Variants in OSBPL10 observed in about 807,000 individuals in gnomAD.
OSBPL10 encodes the protein oxysterol binding protein like 10.
OSBPL10 carries 49 observed loss-of-function variants against 81.7 expected under a neutral mutation model. The ratio of observed to expected loss-of-function variants is 0.60; its 90% CI spans 0.48 to 0.76. The LOEUF (loss-of-function observed/expected upper bound fraction) is 0.76. Among genes scored for constraint, OSBPL10 ranks in the 30% least tolerant of loss-of-function variants. The pLI is 0.00. For synonymous variants in OSBPL10, 419 were observed against 383.6 expected, an observed-to-expected ratio of 1.09 and a Z score of -1.08; for missense variants, 923 against 987.8, an observed-to-expected ratio of 0.93 and a Z score of 0.88.
intron 4 of OSBPL10, among the ~76,000 whole-genome samples, chr3:31,827,047 A>T (rs979583725): frequency 4.6e-5 from 7 of 152,186 alleles, no homozygotes; most frequent in African/African-American, 1.7e-4. Flanking sequence ...TACAAAAGCC[A>T]AACCAAATGG....
chr3:31,984,786 T>C (rs976321347), upstream of OSBPL10, among the ~76,000 whole-genome samples: 7 of 152,218 alleles, frequency 4.6e-5, no homozygotes, highest in African/African-American at 1.7e-4. Context: ...CAATCCTTGC[T>C]TTAGGGTTAG....
chr3:31,891,425 G>A (rs1695888235), intron 1 of OSBPL10, among the ~76,000 whole-genome samples: 1 of 152,206 alleles, frequency 6.6e-6, no homozygotes, highest in Admixed American at 6.5e-5. Context: ...CCTCGGGCAA[G>A]TTCTTTATCC....
At chr3:31,717,174 T>G (rs1331061186) in intron 6 of OSBPL10, 1 of 152,134 alleles carries the variant, frequency 6.6e-6, no homozygotes, top group Non-Finnish European at 1.5e-5. Flanking sequence ...GAAGGTACAT[T>G]TATTGAGGAC....
intron 1 of OSBPL10, among the ~76,000 whole-genome samples, chr3:31,906,470 TC>T (rs1231156187): frequency 2.0e-5 from 3 of 152,132 alleles, no homozygotes; most frequent in South Asian, 4.2e-4. Flanking sequence ...TAGAAATGTA[TC>T]CTTTCATTAT....
intron 2 of OSBPL10, among the ~76,000 whole-genome samples, chr3:32,046,283 A>C (rs1331300051): frequency 6.6e-6 from 1 of 152,190 alleles, no homozygotes; most frequent in Non-Finnish European, 1.5e-5. Flanking sequence ...CTTACTTTTA[A>C]AAATTGACGC....
chr3:32,021,050 C>A (rs1699359415), intron 2 of OSBPL10, among the ~76,000 whole-genome samples: 1 of 152,122 alleles, frequency 6.6e-6, no homozygotes, highest in Non-Finnish European at 1.5e-5. Context: ...CCTGATATTG[C>A]TTCCTCTTCT....
chr3:31,937,508 C>G (rs1182526695), intron 1 of OSBPL10, among the ~76,000 whole-genome samples: 1 of 152,116 alleles, frequency 6.6e-6, no homozygotes, highest in East Asian at 1.9e-4. Flanking sequence ...ACTGGCTCCT[C>G]CTAGCCAGCA....
chr3:31,928,762 CAAAAAA>C (rs58345341), intron 1 of OSBPL10, among the ~76,000 whole-genome samples: 1 of 95,060 alleles, frequency 1.1e-5, no homozygotes, highest in Non-Finnish European at 2.5e-5. Context: ...GACTTGTCTC[CAAAAAA>C]AAAAAAAAAA....
chr3:31,864,659 G>A (rs1469558833), intron 3 of OSBPL10, among the ~76,000 whole-genome samples: 1 of 152,070 alleles, frequency 6.6e-6, no homozygotes, highest in Admixed American at 6.6e-5. Flanking sequence ...AGGTGTGCAG[G>A]GTGCTTGGGG....
chr3:32,058,547 G>A (rs113623026), intron 1 of OSBPL10, among the ~76,000 whole-genome samples: 331 of 152,190 alleles, frequency 2.2e-3, no homozygotes, highest in African/African-American at 7.2e-3. Flanking sequence ...GGCTTGTCTC[G>A]AACTCCTGAC....
chr3:31,795,913 G>A (rs150080113), intron 4 of OSBPL10: 86 of 236,820 alleles, frequency 3.6e-4, no homozygotes, highest in African/African-American at 2.0e-3. Context: ...GCATCAGAGG[G>A]TTCACACTGG....
chr3:31,696,642 C>A (rs1045855925), intron 7 of OSBPL10, among the ~76,000 whole-genome samples: 4 of 152,254 alleles, frequency 2.6e-5, no homozygotes, highest in African/African-American at 9.6e-5. Context: ...ACTGGCTGAA[C>A]CTTCTTCATC....
intron 2 of OSBPL10, among the ~76,000 whole-genome samples, chr3:32,004,068 G>A (rs1430299454): frequency 6.6e-6 from 1 of 152,182 alleles, no homozygotes; most frequent in Admixed American, 6.5e-5. Flanking sequence ...CCACTTTGGA[G>A]ACAAGCAGTA....
chr3:31,958,342 C>T (rs11921166), intron 1 of OSBPL10, among the ~76,000 whole-genome samples: 25,375 of 152,040 alleles, frequency 0.17, 2,535 homozygotes, highest in South Asian at 0.28. Context: ...CAAATTAGTC[C>T]TTAAAAATAT....
chr3:32,034,399 C>T (rs1033445344), intron 2 of OSBPL10, among the ~76,000 whole-genome samples: 1 of 149,124 alleles, frequency 6.7e-6, no homozygotes, highest in Non-Finnish European at 1.5e-5. Flanking sequence ...AGAGATGGCA[C>T]CACTGCACTC....
intron 2 of OSBPL10, among the ~76,000 whole-genome samples, chr3:32,032,104 A>G (rs1232915982): frequency 1.3e-5 from 2 of 152,080 alleles, no homozygotes; most frequent in Admixed American, 6.6e-5. Flanking sequence ...TGGGCAATAT[A>G]ATAAGACCCC....
chr3:31,884,424 C>G (rs1695675678), intron 1 of OSBPL10, among the ~76,000 whole-genome samples: 1 of 152,134 alleles, frequency 6.6e-6, no homozygotes, highest in African/African-American at 2.4e-5. Context: ...TTCCAACAGA[C>G]TAGAAAAAAA....
intron 2 of OSBPL10, chr3:31,990,295 G>A (rs762189422): frequency 5.0e-6 from 8 of 1,613,942 alleles, no homozygotes; most frequent in Non-Finnish European, 6.8e-6. Flanking sequence ...TTGTCACAAA[G>A]TCTTCAGTAA....
chr3:31,998,683 T>C (rs1190151166), intron 2 of OSBPL10, among the ~76,000 whole-genome samples: 1 of 152,248 alleles, frequency 6.6e-6, no homozygotes, highest in African/African-American at 2.4e-5. Context: ...GCCAATTGGC[T>C]ATCCATCAAT....
Sources: allele counts gnomAD v4.1 joint callset (sites outside exome capture counted in the v4.1 genomes callset), GRCh38; gene constraint gnomAD v4.1.1; transcripts MANE v1.5; gene names NCBI Gene and HGNC (gene_info 2026-07-23, HGNC 2026-07-21).